The following INF2 variants were observed in gnomAD, a reference collection of about 807,000 sequenced individuals.
The protein encoded by INF2 is inverted formin 2.
INF2 carries 43 observed loss-of-function variants against 123.5 expected under a neutral mutation model. The observed-to-expected ratio is 0.35, with a 90% CI of 0.27 to 0.45. INF2 has a LOEUF of 0.45. Ranked by LOEUF, INF2 falls within the 20% of genes least tolerant of loss-of-function variation. The pLI is 1.00. For synonymous variants in INF2, 851 were observed against 745.0 expected (o/e 1.14, Z -2.32); for missense variants, 1,453 against 1,682.7 (o/e 0.86, Z 2.39).
intron 22 of INF2, chr14:104,715,588 G>C: frequency 1.6e-6 from 1 of 607,860 alleles, no homozygotes; most frequent in East Asian, 2.8e-5. Context: ...CTGGCCCCGG[G>C]CATGCGGGCC....
At chr14:104,691,345 T>TG (rs1888941052) in intron 1 of INF2, 1 of 152,158 alleles carries the variant, frequency 6.6e-6, no homozygotes, top group African/African-American at 2.4e-5. Flanking sequence ...CCTGTGGGTG[T>TG]GGGGCAGGAC....
chr14:104,696,882 C>T (rs1159107945), intron 1 of INF2, among the ~76,000 whole-genome samples: 1 of 152,080 alleles, frequency 6.6e-6, no homozygotes, highest in Non-Finnish European at 1.5e-5. Context: ...GCACCCAGCC[C>T]TGTGCCAGTG....
intron 21 of INF2, 129 bp downstream of exon 21, chr14:104,714,985 G>A: frequency 1.7e-5 from 18 of 1,037,502 alleles, no homozygotes. Context: ...GTGCGGCACG[G>A]GAGAGGAGGC....
intron 1 of INF2, 138 bp downstream of exon 1, chr14:104,689,877 C>T (rs968215213): frequency 2.4e-6 from 1 of 415,110 alleles, no homozygotes; most frequent in Non-Finnish European, 3.2e-6. Flanking sequence ...GGTCCGGCGG[C>T]GCAGGGTACA....
intron 16 of INF2, 49 bp downstream of exon 16, chr14:104,711,748 C>T (rs1447804882): frequency 6.4e-7 from 1 of 1,568,302 alleles, no homozygotes; most frequent in Non-Finnish European, 8.7e-7. Context: ...GGGGGCCTGA[C>T]TTCTGTCCCC....
At chr14:104,698,893 A>G (rs4996691) in intron 1 of INF2, among the ~76,000 whole-genome samples, 27,400 of 152,138 alleles carry the variant, frequency 0.18, 3,985 homozygotes, top group African/African-American at 0.41. Context: ...ACCCGGTGGG[A>G]CACGGCCAGC....
At chr14:104,703,589 C>A in intron 4 of INF2, 135 bp downstream of exon 4, 1 of 1,221,546 alleles carries the variant, frequency 8.2e-7, no homozygotes. Flanking sequence ...AAGGCGCCAT[C>A]TCGGGCCTGC....
intron 18 of INF2, 33 bp downstream of exon 18, chr14:104,713,025 GC>G (rs1205258488): frequency 6.2e-7 from 1 of 1,611,210 alleles, no homozygotes; most frequent in African/African-American, 1.3e-5. Context: ...AGCCTGTCTG[GC>G]TAGAGTGGGG....
At position 104,706,961 on chromosome 14, in the gene INF2, C is replaced by T. The variant is rs1167252164; in HGVS notation, c.895C>T (p.Leu299=). The T allele has an allele frequency of 6.2e-7, 1 of 1,602,266 alleles. No homozygotes were observed. The highest frequency in any genetic ancestry group is 8.5e-7 in the Non-Finnish European group (1 of 1,179,258). ...GCTCCTGTCGGTGCTGCAGGGCCTCCTGCACCTGGAGCCCACCCTCCGCTC... is the reference window on the plus strand; with the variant it reads ...GCTCCTGTCGGTGCTGCAGGGCCTCTTGCACCTGGAGCCCACCCTCCGCTC... ...AQLLSVLQGL[L]HLEPTLRSSQ... The change falls in exon 7 of 23, where the codon CTG becomes TTG. Residue 299 remains leucine (L), a synonymous_variant. Coordinates refer to ENST00000392634, the MANE Select transcript of INF2 (RefSeq NM_022489.4).
rs948342586 is a variant in INF2, at chr14:104,710,737, G to A, written c.2240-200G>A. Reference sequence around the variant, plus strand: ...AGTGAGGCACAGCTCACGTCTGTCAGGCACACTGTAGGTGTCCACTCCCGT... The same window carrying A: ...AGTGAGGCACAGCTCACGTCTGTCAAGCACACTGTAGGTGTCCACTCCCGT... On this transcript the variant is annotated intron_variant, in intron 13 of 22. Transcript: ENST00000392634. 5.0e-6 allele frequency: 3 copies of A among 595,578 alleles called. No individual in the cohort carries two copies. The African/African-American group carries it at 5.6e-5, about 11-fold the overall frequency. The allele number at this position is 595,578 out of a possible 1,614,324, so 36.9% of individuals were successfully genotyped here.
rs763172535 is a variant in INF2, at chr14:104,708,596, G to A, written c.1887+9G>A. On this transcript the variant is annotated intron_variant, in intron 9 of 22. Coordinates refer to ENST00000392634, the MANE Select transcript of INF2 (RefSeq NM_022489.4). Reference sequence around the variant, plus strand: ...GGAAGGAGCCCAAGGAGGTGGGGACGGGGAGGGGACTCAGACCGGGGCCGC... The same window carrying A: ...GGAAGGAGCCCAAGGAGGTGGGGACAGGGAGGGGACTCAGACCGGGGCCGC... 25 of 1,612,478 alleles carry A rather than the reference G, an allele frequency of 1.6e-5. No individual in the cohort carries two copies. The highest frequency in any genetic ancestry group is 1.1e-4 in the South Asian group (10 of 91,094).
chr14:104,696,324 G>A (rs905542928), intron 1 of INF2, among the ~76,000 whole-genome samples: 6 of 152,246 alleles, frequency 3.9e-5, no homozygotes, highest in Non-Finnish European at 5.9e-5. Context: ...CTTCTTGGGT[G>A]TGAGACGGGC....
In INF2 at chr14:104,703,188, G is replaced by C; in HGVS notation, c.475G>C (p.Val159Leu). 6.2e-7 allele frequency: 1 copy of C among 1,613,472 alleles called. No individual in the cohort carries two copies. Among genetic ancestry groups the C allele is most frequent in the Non-Finnish European group, 8.5e-7 (1 of 1,179,908 alleles). The part of the protein sequence containing the change: ...ALCIYSPEGH[V>L]LTLDALDHYK... ...GTGCATCTACTCTCCCGAGGGCCAC[G>C]TGCTGACCCTGGACGCCCTGGACCA... The change falls in exon 3 of 23, where the codon GTG (valine) becomes CTG (leucine). Residue 159 changes from valine to leucine, a missense_variant. Physicochemically the swap from Val to Leu is conservative, Grantham distance 32. This residue lies in a region of INF2 where 251 missense variants were observed against 349.4 expected (regional missense o/e 0.72). Transcript: ENST00000392634.
chr14:104,698,459 C>T (rs943740611), intron 1 of INF2, among the ~76,000 whole-genome samples: 1 of 152,228 alleles, frequency 6.6e-6, no homozygotes, highest in Non-Finnish European at 1.5e-5. Context: ...ATGGTTTTCT[C>T]ATATGGATAA....
chr14:104,703,066 G>A (rs1329843511), intron 2 of INF2, 39 bp from the exon 3 acceptor site: 1 of 1,504,494 alleles, frequency 6.6e-7, no homozygotes, highest in Non-Finnish European at 9.2e-7. Flanking sequence ...GGGAAGGGGT[G>A]CATTGGCCCT....
intron 11 of INF2, 52 bp from the exon 12 acceptor site, chr14:104,709,564 CGGGA>C: frequency 6.5e-7 from 1 of 1,528,754 alleles, no homozygotes; most frequent in Non-Finnish European, 9.1e-7. Flanking sequence ...GCGGGCAGTC[CGGGA>C]GGGCGGGAAG....
intron 16 of INF2, among the ~76,000 whole-genome samples, chr14:104,712,011 G>A (rs1400844187): frequency 1.3e-5 from 2 of 152,152 alleles, no homozygotes; most frequent in Admixed American, 6.5e-5. Flanking sequence ...GAGCAGGCTC[G>A]GGCCTCCCTC....
In INF2 at chr14:104,714,495, G is replaced by A. The variant is rs1466799469; in HGVS notation, c.3333G>A (p.Leu1111=). ...TGACTCTGGGAGATGCTCAGGCCCT[G>A]AAGCCCCTCAAGTTCTCCAGCAACC... is the stretch of plus-strand genomic sequence containing the variant. The part of the protein sequence containing the change: ...WPVTLGDAQA[L]KPLKFSSNQP... Residue 1111 remains leucine, a synonymous_variant, in exon 21 of 23, where the codon CTG becomes CTA. Coordinates refer to ENST00000392634, the MANE Select transcript of INF2 (RefSeq NM_022489.4). The A allele has an allele frequency of 6.2e-7, 1 of 1,612,634 alleles. No homozygotes were observed. Among genetic ancestry groups the A allele is most frequent in the Non-Finnish European group, 8.5e-7 (1 of 1,179,836 alleles).
chr14:104,693,321 C>T (rs892934125), intron 1 of INF2, among the ~76,000 whole-genome samples: 1 of 152,204 alleles, frequency 6.6e-6, no homozygotes, highest in African/African-American at 2.4e-5. Context: ...TGTTACAGGG[C>T]TCTGCCCCGG....
Sources: gnomAD v4.1 joint callset for allele counts (sites outside exome capture counted in the v4.1 genomes callset) on GRCh38, gnomAD v4.1.1 for gene constraint, gnomAD v4.1.1 regional missense constraint, MANE v1.5 for transcripts, NCBI Gene and HGNC (gene_info 2026-07-23, HGNC 2026-07-21) for gene names.